Variants in SPATA6L observed in about 807,000 individuals in gnomAD.
The protein encoded by SPATA6L is spermatogenesis associated 6-like protein.
In SPATA6L, 68 loss-of-function variants were observed where a neutral mutation model predicts 49.2. The observed-to-expected ratio is 1.38, with a 90% CI of 1.14 to 1.69. The LOEUF is 1.69. SPATA6L is among the 40% of genes most tolerant of loss of function. SPATA6L has a pLI of 0.00. For missense variants in SPATA6L, 668 were observed against 464.3 expected (o/e 1.44, Z -4.03); for synonymous variants, 198 against 165.7 (o/e 1.19, Z -1.50).
intron 3 of SPATA6L, 60 bp downstream of exon 3, chr9:4,655,981 A>C: frequency 7.7e-7 from 1 of 1,306,162 alleles, no homozygotes; most frequent in Non-Finnish European, 1.1e-6. Flanking sequence ...CAGAGTTTTG[A>C]ATCTGTGAAT....
chr9:4,618,198 A>T, intron 8 of SPATA6L, 88 bp from the exon 9 acceptor site: 2 of 1,159,530 alleles, frequency 1.7e-6, no homozygotes, highest in Non-Finnish European at 2.5e-6. Context: ...AAGGAAGATA[A>T]CTCGGGCTAA....
intron 13 of SPATA6L, among the ~76,000 whole-genome samples, chr9:4,590,808 G>A (rs1821858057): frequency 1.3e-5 from 2 of 152,216 alleles, no homozygotes; most frequent in South Asian, 4.1e-4. Context: ...AAACTGAGCA[G>A]TAGTGTCTGG....
chr9:4,626,396 G>C, intron 5 of SPATA6L: 1 of 1,300,810 alleles, frequency 7.7e-7, no homozygotes, highest in Non-Finnish European at 1.0e-6. Context: ...CCTCCTTTGA[G>C]ATCTGAGTTC....
chr9:4,632,784 A>C (rs7863038), intron 4 of SPATA6L, among the ~76,000 whole-genome samples: 23,351 of 152,016 alleles, frequency 0.15, 2,974 homozygotes, highest in East Asian at 0.33. Context: ...ATTCTCCCCC[A>C]TTAACATGTC....
rs1388062409 is a variant in SPATA6L, at chr9:4,662,234, C to G, written c.40-198G>C. ...TGGAAATTCCAACTCCCTCCCACGTCTCCACCAGGTGTCACAATCGCGCTC... is the reference window on the plus strand; with the variant it reads ...TGGAAATTCCAACTCCCTCCCACGTGTCCACCAGGTGTCACAATCGCGCTC... On this transcript the variant is annotated intron_variant, in intron 1 of 11. Transcript: ENST00000682582. This position sits in a 1 kb window ranked among gnomAD's most constrained non-coding sequence, Gnocchi z 4.9. 1.4e-6 allele frequency: 2 copies of G among 1,434,322 alleles called. No homozygotes were observed. Among genetic ancestry groups the G allele is most frequent in the Non-Finnish European group, 1.8e-6 (2 of 1,099,412 alleles). The allele number at this position is 1,434,322 out of a possible 1,614,324, so 88.8% of individuals were successfully genotyped here.
At chr9:4,604,083 T>C in intron 11 of SPATA6L, 96 bp downstream of exon 11, 4 of 774,872 alleles carry the variant, frequency 5.2e-6, no homozygotes, top group Non-Finnish European at 8.4e-6. Flanking sequence ...CTCCACACTT[T>C]CTAGTTACTT....
intron 13 of SPATA6L, among the ~76,000 whole-genome samples, chr9:4,591,984 C>T (rs1821930799): frequency 6.6e-6 from 1 of 152,072 alleles, no homozygotes; most frequent in African/African-American, 2.4e-5. Context: ...AGGATGAGTG[C>T]CCAAGCAAGT....
chr9:4,600,471 G>C lies in SPATA6L; in HGVS notation c.*340C>G, dbSNP rs1433879337. ...ATATATAATTAATTTGAGAGAGAGA[G>C]ACAGAGAGAGCCAGAGAGAGCCAGA... On this transcript the variant is annotated 3_prime_UTR_variant, in exon 12 of 12. Coordinates refer to ENST00000682582, the MANE Select transcript of SPATA6L (RefSeq NM_001353486.2). The C allele has an allele frequency of 8.4e-6, 1 of 118,350 alleles. No homozygotes were observed. Among genetic ancestry groups the C allele is most frequent in the Admixed American group, 9.0e-5 (1 of 11,144 alleles). The allele number at this position is 118,350 out of a possible 1,614,324, so 7.3% of individuals were successfully genotyped here.
intron 6 of SPATA6L, among the ~76,000 whole-genome samples, chr9:4,624,434 CA>C (rs1191485950): frequency 6.6e-6 from 1 of 151,932 alleles, no homozygotes; most frequent in Admixed American, 6.6e-5. Flanking sequence ...TTTATAGTAG[CA>C]AAAAAATTGT....
chr9:4,590,398 C>T (rs530784839), intron 13 of SPATA6L, among the ~76,000 whole-genome samples: 43 of 152,314 alleles, frequency 2.8e-4, no homozygotes, highest in African/African-American at 9.9e-4. Context: ...TGTCCCATTT[C>T]TTCCCTTACT....
Position 4,666,314 on chromosome 9 carries a change from T to C in SPATA6L, c.-64A>G. On this transcript the variant is annotated 5_prime_UTR_variant, in exon 1 of 12. Transcript: ENST00000682582. ...CCTTTTGTGCCGAGCCTTGGACCAA[T>C]TTTTCTTAGTTTAGCTGAATACCTA... 6.3e-7 allele frequency: 1 copy of C among 1,575,022 alleles called. No individual in the cohort carries two copies. Among genetic ancestry groups the C allele is most frequent in the Non-Finnish European group, 8.7e-7 (1 of 1,145,746 alleles).
Position 4,640,127 on chromosome 9 carries a change from T to G in SPATA6L, c.227-4728A>C, listed in dbSNP as rs531539055. Among the ~76,000 whole-genome samples the G allele has an allele frequency of 1.6e-3, 238 of 152,320 alleles. 1 individual carries two copies. The highest frequency in any genetic ancestry group is 2.0e-3 in the Non-Finnish European group (134 of 68,022). ...TGCCCACTAGAATAGGCTTTTACAG[T>G]TGGACTGAATATACCTGACTTACCC... On this transcript the variant is annotated intron_variant, in intron 3 of 11. Coordinates refer to ENST00000682582, the MANE Select transcript of SPATA6L (RefSeq NM_001353486.2).
chr9:4,603,873 G>T (rs975515386), intron 11 of SPATA6L, among the ~76,000 whole-genome samples: 1 of 152,186 alleles, frequency 6.6e-6, no homozygotes, highest in Admixed American at 6.5e-5. Context: ...AACAACATGT[G>T]CAGAGACCCC....
intron 9 of SPATA6L, among the ~76,000 whole-genome samples, chr9:4,610,677 C>T (rs1264230483): frequency 4.6e-5 from 7 of 152,106 alleles, no homozygotes; most frequent in Non-Finnish European, 8.8e-5. Context: ...AATGTTAGAC[C>T]TAAAACCATA....
intron 7 of SPATA6L, 127 bp from the exon 8 acceptor site, chr9:4,619,025 T>C (rs758725924): frequency 9.7e-5 from 77 of 795,272 alleles, no homozygotes; most frequent in Non-Finnish European, 1.5e-4. Flanking sequence ...AAAACTTAAA[T>C]GCTCCCTTGT....
At chr9:4,613,786 G>T (rs1827331137) in intron 9 of SPATA6L, among the ~76,000 whole-genome samples, 1 of 152,080 alleles carries the variant, frequency 6.6e-6, no homozygotes, top group African/African-American at 2.4e-5. Context: ...GTTTTGCCTT[G>T]TTGGCCAGGC....
In SPATA6L at chr9:4,662,932, T is replaced by A. The variant is rs920758339; in HGVS notation, c.40-896A>T. The A allele has an allele frequency of 1.7e-5, 28 of 1,610,926 alleles. No individual in the cohort carries two copies. The highest frequency in any genetic ancestry group is 2.4e-5 in the Non-Finnish European group (28 of 1,179,966). ...CTGCTGGTGGCCTTGATCAAAGGGC[T>A]GGTCCGCAGGCGCCGCCCGGCCCAC... is the stretch of plus-strand genomic sequence containing the variant. On this transcript the variant is annotated intron_variant, in intron 1 of 11. Coordinates refer to ENST00000682582, the MANE Select transcript of SPATA6L (RefSeq NM_001353486.2). This position sits in a 1 kb window ranked among gnomAD's most constrained non-coding sequence, Gnocchi z 4.9.
intron 3 of SPATA6L, among the ~76,000 whole-genome samples, chr9:4,654,768 C>G (rs1397099778): frequency 6.6e-6 from 1 of 152,156 alleles, no homozygotes; most frequent in African/African-American, 2.4e-5. Context: ...CTCTCGATGT[C>G]CAGCCGCTTC....
chr9:4,632,091 G>A (rs1831705587), intron 4 of SPATA6L, among the ~76,000 whole-genome samples: 1 of 147,930 alleles, frequency 6.8e-6, no homozygotes, highest in African/African-American at 2.5e-5. Flanking sequence ...CCAGGCTGGA[G>A]TGCAGTGGCA....
Sources: allele counts gnomAD v4.1 joint callset (sites outside exome capture counted in the v4.1 genomes callset), GRCh38; gene constraint gnomAD v4.1.1; non-coding constraint Gnocchi (gnomAD v3.1); transcripts MANE v1.5; gene names NCBI Gene and HGNC (gene_info 2026-07-23, HGNC 2026-07-21).